Variants in KCNH1 observed in about 807,000 individuals in gnomAD.
KCNH1 encodes potassium voltage-gated channel subfamily H member 1, also known as voltage-gated delayed rectifier potassium channel KCNH1.
Under a neutral mutation model 69.2 loss-of-function variants are expected in KCNH1, and 27 were observed. The ratio of observed to expected loss-of-function variants is 0.39; its 90% CI spans 0.29 to 0.54. The LOEUF (loss-of-function observed/expected upper bound fraction) is 0.54. Among genes scored for constraint, KCNH1 ranks in the 20% least tolerant of loss-of-function variants. The probability of loss-of-function intolerance (pLI) is 0.68; values close to 1 mark genes in which losing one functional copy is unlikely to be tolerated. For missense variants in KCNH1, 798 were observed against 1,261.6 expected (o/e 0.63, Z 5.57); for synonymous variants, 456 against 487.7 (o/e 0.93, Z 0.86).
At chr1:211,132,893 C>T (rs1307117030) in intron 1 of KCNH1, 4 of 152,180 alleles carry the variant, frequency 2.6e-5, no homozygotes, top group African/African-American at 4.8e-5. Flanking sequence ...CTTCCAACTG[C>T]CAGGACTCCT....
chr1:210,803,389 G>A (rs767116835), intron 8 of KCNH1, among the ~76,000 whole-genome samples: 8 of 152,070 alleles, frequency 5.3e-5, no homozygotes, highest in Non-Finnish European at 1.2e-4. Flanking sequence ...GGCATGAGCC[G>A]CTGCATCTGG....
At chr1:210,839,580 A>G in intron 7 of KCNH1, among the ~76,000 whole-genome samples, 1 of 152,186 alleles carries the variant, frequency 6.6e-6, no homozygotes. Flanking sequence ...GTACCCCTGA[A>G]CTTAAAAGTT....
chr1:211,037,676 A>G (rs1689922278), intron 5 of KCNH1, among the ~76,000 whole-genome samples: 1 of 152,152 alleles, frequency 6.6e-6, no homozygotes, highest in African/African-American at 2.4e-5. Context: ...AACCAGGCAC[A>G]TCGGCCAGAG....
chr1:210,722,165 T>G (rs1247890223), intron 10 of KCNH1, among the ~76,000 whole-genome samples: 4 of 152,124 alleles, frequency 2.6e-5, no homozygotes, highest in African/African-American at 9.7e-5. Context: ...AGATTACACA[T>G]TAAGCCTAGA....
chr1:210,924,286 G>A (rs563712147), intron 6 of KCNH1, among the ~76,000 whole-genome samples: 1 of 152,326 alleles, frequency 6.6e-6, no homozygotes, highest in East Asian at 1.9e-4. Context: ...CCCACACAAG[G>A]TCTAGAGCAC....
intron 2 of KCNH1, among the ~76,000 whole-genome samples, chr1:211,104,134 G>A (rs1010659713): frequency 6.6e-5 from 10 of 152,266 alleles, no homozygotes; most frequent in African/African-American, 9.6e-5. Flanking sequence ...ACAATGAGAG[G>A]GAAATTTGCA....
chr1:210,938,976 C>T (rs976670006), intron 6 of KCNH1, among the ~76,000 whole-genome samples: 2 of 152,078 alleles, frequency 1.3e-5, no homozygotes, highest in African/African-American at 4.8e-5. Context: ...AGGAATATAA[C>T]TCTCCATGTG....
At chr1:210,689,065 AG>A (rs1309066852) in intron 10 of KCNH1, among the ~76,000 whole-genome samples, 1 of 152,230 alleles carries the variant, frequency 6.6e-6, no homozygotes, top group Admixed American at 6.5e-5. Flanking sequence ...CCTGGAGGGC[AG>A]GGATGCTGCT....
At chr1:210,769,743 C>G (rs113709743) in intron 10 of KCNH1, among the ~76,000 whole-genome samples, 2 of 152,118 alleles carry the variant, frequency 1.3e-5, no homozygotes, top group African/African-American at 2.4e-5. Context: ...AGCAGGAGAA[C>G]GTAATTCCCT....
At chr1:210,883,492 A>T (rs985677507) in intron 7 of KCNH1, among the ~76,000 whole-genome samples, 1 of 152,200 alleles carries the variant, frequency 6.6e-6, no homozygotes, top group Non-Finnish European at 1.5e-5. Flanking sequence ...AATTTGCTTC[A>T]TGTCCTGTTA....
At chr1:210,692,946 T>G (rs545333291) in intron 10 of KCNH1, among the ~76,000 whole-genome samples, 140 of 152,342 alleles carry the variant, frequency 9.2e-4, no homozygotes, top group African/African-American at 3.1e-3. Flanking sequence ...GCACAAGGTC[T>G]GCTTCACCAC....
chr1:210,961,942 A>T (rs1259685208), intron 6 of KCNH1, among the ~76,000 whole-genome samples: 1 of 152,112 alleles, frequency 6.6e-6, no homozygotes, highest in African/African-American at 2.4e-5. Flanking sequence ...GATGGGAACT[A>T]TTTACAGCTC....
At chr1:211,044,276 T>G (rs1176012398) in intron 5 of KCNH1, among the ~76,000 whole-genome samples, 1 of 152,172 alleles carries the variant, frequency 6.6e-6, no homozygotes, top group African/African-American at 2.4e-5. Flanking sequence ...CACAAATCAG[T>G]AGCTCTTCTG....
chr1:211,093,501 G>A (rs902573134), intron 3 of KCNH1, among the ~76,000 whole-genome samples: 1 of 152,066 alleles, frequency 6.6e-6, no homozygotes, highest in Non-Finnish European at 1.5e-5. Context: ...GGCCAGGCTG[G>A]TCTCAAACCC....
intron 10 of KCNH1, among the ~76,000 whole-genome samples, chr1:210,748,506 C>T (rs530196214): frequency 2.2e-4 from 34 of 152,236 alleles, no homozygotes; most frequent in Admixed American, 1.7e-3. Flanking sequence ...GTGAAACTTA[C>T]GGCTGGGAAA....
rs1421577655 is a variant in KCNH1 at position 211,018,924 on chromosome 1, C to G, written c.891G>C (p.Val297=). The G allele has an allele frequency of 1.2e-6, 2 of 1,614,056 alleles. No individual in the cohort carries two copies. Among genetic ancestry groups the G allele is most frequent in the Admixed American group, 3.3e-5 (2 of 59,994 alleles). The stretch of plus-strand genomic sequence containing the variant: ...ATGGCAAACAGGACAGAAGGTCAAT[C>G]ACAAACCACGTCTTCAGGTAGTTCA... ...IRMNYLKTWF[V]IDLLSCLPYD... The change falls in exon 6 of 11, where the codon GTG becomes GTC. Residue 297 remains valine, a synonymous_variant. Coordinates refer to ENST00000271751, the MANE Select transcript of KCNH1 (RefSeq NM_172362.3).
intron 7 of KCNH1, among the ~76,000 whole-genome samples, chr1:210,809,686 G>T (rs1317025401): frequency 6.6e-6 from 1 of 152,146 alleles, no homozygotes; most frequent in Non-Finnish European, 1.5e-5. Flanking sequence ...GTAGTGAGTG[G>T]TCTCTTATCA....
At chr1:210,863,118 A>C (rs914575346) in intron 7 of KCNH1, among the ~76,000 whole-genome samples, 4 of 152,232 alleles carry the variant, frequency 2.6e-5, no homozygotes, top group African/African-American at 9.6e-5. Flanking sequence ...CCTTGAATCC[A>C]TGAAGAGCTT....
At chr1:210,686,809 T>A (rs1681418299) in intron 10 of KCNH1, among the ~76,000 whole-genome samples, 1 of 152,200 alleles carries the variant, frequency 6.6e-6, no homozygotes, top group African/African-American at 2.4e-5. Context: ...CCCTGAGGGT[T>A]TAGAACAGTA....
Sources: gnomAD v4.1 joint callset for allele counts (sites outside exome capture counted in the v4.1 genomes callset) on GRCh38, gnomAD v4.1.1 for gene constraint, MANE v1.5 for transcripts, NCBI Gene and HGNC (gene_info 2026-07-23, HGNC 2026-07-21) for gene names.